DOCK9: variants seen among roughly 807,000 people sequenced by gnomAD.
DOCK9 encodes the protein dedicator of cytokinesis 9.
In DOCK9, 89 loss-of-function variants were observed where a neutral mutation model predicts 263.3. The observed-to-expected ratio is 0.34, with a 90% confidence interval of 0.28 to 0.40. The LOEUF (loss-of-function observed/expected upper bound fraction) is 0.40, where lower values mean the gene tolerates loss of function less well. Ranked by LOEUF, DOCK9 falls within the 10% of genes least tolerant of loss-of-function variation. The pLI, the probability that DOCK9 is intolerant of heterozygous loss-of-function variation, is 1.00. For synonymous variants in DOCK9, 976 were observed against 973.1 expected, an observed-to-expected ratio of 1.00 and a Z score of -0.06; for missense variants, 2,140 against 2,603.4, an observed-to-expected ratio of 0.82 and a Z score of 3.87.
chr13:98,835,272 C>T (rs12585529), intron 39 of DOCK9, among the ~76,000 whole-genome samples: 1,848 of 152,320 alleles, frequency 0.012, 68 homozygotes, highest in Admixed American at 0.075. Context: ...TATCAGCTCA[C>T]TCACTGTTAT....
intron 12 of DOCK9, 148 bp downstream of exon 12, chr13:98,902,140 C>T: frequency 9.8e-7 from 1 of 1,015,812 alleles, no homozygotes; most frequent in East Asian, 2.6e-5. Context: ...TCTCAGCTTG[C>T]TTTTACTGTC....
chr13:98,874,116 C>T (rs1475851684), intron 27 of DOCK9, among the ~76,000 whole-genome samples: 3 of 152,184 alleles, frequency 2.0e-5, no homozygotes, highest in Non-Finnish European at 2.9e-5. Flanking sequence ...TCACCACAGT[C>T]AAGAAGAGAA....
intron 13 of DOCK9, among the ~76,000 whole-genome samples, 163 bp downstream of exon 13, chr13:98,901,615 A>G (rs1034122569): frequency 6.6e-6 from 1 of 152,262 alleles, no homozygotes. Context: ...CATTTCCTTC[A>G]AAATCAAGAC....
In DOCK9 at chr13:98,847,980, T is replaced by C. The variant is rs146898515; in HGVS notation, c.4061+612A>G. Among the ~76,000 whole-genome samples the C allele has an allele frequency of 2.0e-4, 30 of 152,306 alleles. 1 individual carries two copies. The East Asian group carries it at 5.8e-3, about 29-fold the overall frequency. Reference sequence around the variant, plus strand: ...CAGCTGCAAGGAGTTTCTAGGAGGCTGGTTCTGCACAGGAAAGTGGGAGTG... The same window carrying C: ...CAGCTGCAAGGAGTTTCTAGGAGGCCGGTTCTGCACAGGAAAGTGGGAGTG... On this transcript the variant is annotated intron_variant, in intron 37 of 52. Coordinates refer to ENST00000682017, the MANE Select transcript of DOCK9 (RefSeq NM_001366683.2).
chr13:99,067,541 GA>G (rs2041475132), intron 1 of DOCK9, among the ~76,000 whole-genome samples: 1 of 152,182 alleles, frequency 6.6e-6, no homozygotes, highest in African/African-American at 2.4e-5. Flanking sequence ...ACTGCAGATG[GA>G]AGTGAGCTCC....
intron 1 of DOCK9, among the ~76,000 whole-genome samples, chr13:99,054,875 G>A (rs917207876): frequency 6.6e-6 from 1 of 152,088 alleles, no homozygotes; most frequent in African/African-American, 2.4e-5. Flanking sequence ...ATATCCCACA[G>A]AGAAGACAAA....
intron 35 of DOCK9, among the ~76,000 whole-genome samples, chr13:98,851,518 A>G (rs2093570643): frequency 6.6e-6 from 1 of 152,164 alleles, no homozygotes; most frequent in Admixed American, 6.5e-5. Context: ...CGGCATGGGC[A>G]ATGACGCTGC....
chr13:98,916,750 A>G (rs1242584863), intron 7 of DOCK9, among the ~76,000 whole-genome samples: 1 of 152,318 alleles, frequency 6.6e-6, no homozygotes. Context: ...GCATACTCAC[A>G]ATCATGAAAA....
chr13:99,059,365 T>C (rs1211264225), intron 1 of DOCK9, among the ~76,000 whole-genome samples: 4 of 152,144 alleles, frequency 2.6e-5, no homozygotes, highest in African/African-American at 7.2e-5. Context: ...CTTCCACCCA[T>C]GGATCAGCTG....
intron 2 of DOCK9, among the ~76,000 whole-genome samples, chr13:98,934,047 G>C (rs1190158305): frequency 6.6e-6 from 1 of 152,002 alleles, no homozygotes; most frequent in Non-Finnish European, 1.5e-5. Context: ...ACAGGCATGA[G>C]CCACCATGCC....
chr13:98,878,980 G>A (rs73556959), intron 27 of DOCK9, among the ~76,000 whole-genome samples: 1,639 of 152,110 alleles, frequency 0.011, 29 homozygotes, highest in African/African-American at 0.038. Context: ...AGCACCACCC[G>A]CTCCCTGCAC....
At position 98,837,605 on chromosome 13, in the gene DOCK9, A is replaced by T; in HGVS notation, c.4203T>A (p.Tyr1401Ter). Reference sequence around the variant, plus strand: ...GCAGAACATCTGCGTCCGAGTGGCCATAGCCTGCATGAATTACAACACAAG... The same window carrying T: ...GCAGAACATCTGCGTCCGAGTGGCCTTAGCCTGCATGAATTACAACACAAG... ...LDNSLTFNHS[Y>*]GHSDADVLHQ... The change falls in exon 39 of 53, where the codon TAT becomes TAA. Residue 1401 changes from tyrosine to a stop codon, truncating the protein, a stop_gained. Coordinates refer to ENST00000682017, the MANE Select transcript of DOCK9 (RefSeq NM_001366683.2). LOFTEE classifies it high-confidence loss of function. 6.2e-7 allele frequency: 1 copy of T among 1,611,250 alleles called. No individual in the cohort carries two copies. The highest frequency in any genetic ancestry group is 8.5e-7 in the Non-Finnish European group (1 of 1,177,798).
At chr13:98,911,234 T>C (rs770543332) in intron 9 of DOCK9, among the ~76,000 whole-genome samples, 6 of 152,204 alleles carry the variant, frequency 3.9e-5, no homozygotes, top group Non-Finnish European at 7.4e-5. Context: ...GTAAAACACC[T>C]GAAAGCCAGG....
intron 1 of DOCK9, among the ~76,000 whole-genome samples, chr13:99,071,306 C>CTTTTTTTTTTTT (rs71114578): frequency 0.014 from 668 of 49,316 alleles, 84 homozygotes; most frequent in African/African-American, 0.025. Flanking sequence ...CCATGCCTGG[C>CTTTTTTTTTTTT]TTTTTTTTTT....
At chr13:98,846,732 A>G (rs1269026214) in intron 37 of DOCK9, 4 of 392,360 alleles carry the variant, frequency 1.0e-5, no homozygotes, top group African/African-American at 2.1e-5. Flanking sequence ...TGTGTAGGAG[A>G]ACAGGGACAT....
intron 6 of DOCK9, among the ~76,000 whole-genome samples, chr13:98,921,669 T>C (rs1253899038): frequency 2.0e-5 from 3 of 152,192 alleles, no homozygotes; most frequent in Non-Finnish European, 4.4e-5. Flanking sequence ...CGTCCTCAAT[T>C]TTTGCTTTAC....
intron 15 of DOCK9, among the ~76,000 whole-genome samples, chr13:98,895,432 T>C (rs575473493): frequency 3.3e-5 from 5 of 152,126 alleles, no homozygotes; most frequent in Non-Finnish European, 5.9e-5. Context: ...TTTGGGAGGC[T>C]GAGGCGGGCA....
chr13:98,882,122 C>T (rs1435887432), intron 23 of DOCK9, 115 bp from the exon 24 acceptor site: 1 of 840,834 alleles, frequency 1.2e-6, no homozygotes, highest in Non-Finnish European at 1.9e-6. Flanking sequence ...AAAGGGAAGG[C>T]TGTGGTGGGC....
In DOCK9 at chr13:99,001,335, A is replaced by G. The variant is rs73558073; in HGVS notation, c.130-45784T>C. Among the ~76,000 whole-genome samples, 626 of 152,320 alleles carry G rather than the reference A, an allele frequency of 4.1e-3. 2 individuals are homozygous for G. The highest frequency in any genetic ancestry group is 0.014 in the African/African-American group (582 of 41,582). On this transcript the variant is annotated intron_variant, in intron 1 of 32. Coordinates refer to the DOCK9 transcript ENST00000427887. ...CCCAGAACTCCTTAATAACAGGAAAAGTTGGAAGTGCTATGCCCATTATAT... is the reference window on the plus strand; with the variant it reads ...CCCAGAACTCCTTAATAACAGGAAAGGTTGGAAGTGCTATGCCCATTATAT...
Sources: allele counts gnomAD v4.1 joint callset (sites outside exome capture counted in the v4.1 genomes callset), GRCh38; gene constraint gnomAD v4.1.1; transcripts MANE v1.5; gene names NCBI Gene and HGNC (gene_info 2026-07-23, HGNC 2026-07-21).